The following E2F3 variants were observed in gnomAD, a reference collection of about 807,000 sequenced individuals.
E2F3 encodes the protein transcription factor E2F3.
Under a neutral mutation model 44.4 loss-of-function variants are expected in E2F3, and 11 were observed. The observed-to-expected ratio is 0.25, with a 90% CI of 0.16 to 0.41. E2F3 has a LOEUF of 0.41. Ranked by LOEUF, E2F3 falls within the 10% of genes least tolerant of loss-of-function variation. The pLI, the probability that E2F3 is intolerant of heterozygous loss-of-function variation, is 1.00. For synonymous variants in E2F3, 249 were observed against 253.0 expected (o/e 0.98, Z 0.15); for missense variants, 487 against 583.6 (o/e 0.83, Z 1.70).
chr6:20,451,481 A>G (rs376676020), intron 1 of E2F3, among the ~76,000 whole-genome samples: 255 of 152,216 alleles, frequency 1.7e-3, no homozygotes, highest in African/African-American at 6.0e-3. Flanking sequence ...GGTTTTCTAG[A>G]TATAGAATCA....
chr6:20,436,138 G>A (rs1323747690), intron 1 of E2F3, among the ~76,000 whole-genome samples: 1 of 151,838 alleles, frequency 6.6e-6, no homozygotes, highest in Non-Finnish European at 1.5e-5. Flanking sequence ...GTACCACCAC[G>A]CCCAGCTAAT....
At chr6:20,443,977 C>T (rs776482335) in intron 1 of E2F3, among the ~76,000 whole-genome samples, 2 of 151,758 alleles carry the variant, frequency 1.3e-5, no homozygotes, top group Admixed American at 6.6e-5. Flanking sequence ...CTTGAGAGGC[C>T]GAGGTGGGAG....
Position 20,434,965 on chromosome 6 carries a change from A to T in E2F3, c.393+32340A>T, listed in dbSNP as rs145803040. 8.5e-4 allele frequency among the ~76,000 whole-genome samples: 129 copies of T among 152,336 alleles called. No homozygotes were observed. In the Middle Eastern group the frequency reaches 0.02, roughly 24 times the overall value. On this transcript the variant is annotated intron_variant, in intron 1 of 6. Coordinates refer to ENST00000346618, the MANE Select transcript of E2F3 (RefSeq NM_001949.5). ...CAGCAGTGGAGACAAGGGCACAGGA[A>T]CATGGCGCCAGGGCCGACAGATTTG...
At chr6:20,405,298 C>A (rs970096350) in intron 1 of E2F3, among the ~76,000 whole-genome samples, 9 of 150,560 alleles carry the variant, frequency 6.0e-5, no homozygotes, top group African/African-American at 2.2e-4. Context: ...TATTCAGAAG[C>A]ATTTTTTATA....
chr6:20,435,189 C>T (rs149223186), intron 1 of E2F3, among the ~76,000 whole-genome samples: 2 of 152,134 alleles, frequency 1.3e-5, no homozygotes, highest in East Asian at 3.9e-4. Context: ...ATCACATGCC[C>T]CAAGTCTCCA....
intron 1 of E2F3, among the ~76,000 whole-genome samples, chr6:20,421,320 G>A (rs1760020752): frequency 6.6e-6 from 1 of 152,102 alleles, no homozygotes. Context: ...CAGAAAGTTT[G>A]TAATTTACTT....
chr6:20,425,654 T>A (rs1298007032), intron 1 of E2F3, among the ~76,000 whole-genome samples: 1 of 152,166 alleles, frequency 6.6e-6, no homozygotes, highest in Non-Finnish European at 1.5e-5. Context: ...CGCCTCGGCC[T>A]CCCAAAGTGC....
chr6:20,457,846 AT>A (rs891048388), intron 1 of E2F3, among the ~76,000 whole-genome samples: 5 of 150,736 alleles, frequency 3.3e-5, no homozygotes, highest in Admixed American at 2.0e-4. Flanking sequence ...ACACACTACC[AT>A]TTTTTTTTCC....
intron 1 of E2F3, among the ~76,000 whole-genome samples, chr6:20,438,365 CTA>C (rs1366470242): frequency 6.6e-6 from 1 of 152,122 alleles, no homozygotes; most frequent in African/African-American, 2.4e-5. Context: ...ATTTTTAACT[CTA>C]TGTTTTCCCC....
chr6:20,479,948 A>G lies in E2F3; in HGVS notation c.496A>G (p.Ser166Gly). ...AAGAGCTGCACTACGAAGTCCAGATAGTCCAAAAAGTAAGGATCTTTTCAT... is the reference window on the plus strand; with the variant it reads ...AAGAGCTGCACTACGAAGTCCAGATGGTCCAAAAAGTAAGGATCTTTTCAT... ...KGRAALRSPD[S>G]PKTPKSPSEK... The change falls in exon 2 of 7, where the codon AGT becomes GGT. Residue 166 changes from serine (S) to glycine (G), a missense_variant. By Grantham distance (56) the Ser-to-Gly change is moderately conservative (BLOSUM62 0). Transcript: ENST00000346618. 5.6e-6 allele frequency: 9 copies of G among 1,607,664 alleles called. No homozygotes were observed. The highest frequency in any genetic ancestry group is 7.6e-6 in the Non-Finnish European group (9 of 1,176,622).
chr6:20,403,004 G>A (rs1037909678), intron 1 of E2F3, among the ~76,000 whole-genome samples: 2 of 152,114 alleles, frequency 1.3e-5, no homozygotes, highest in African/African-American at 4.8e-5. Context: ...AGAAGGGGGT[G>A]GGGGAGGGAG....
At position 20,402,296 on chromosome 6, in the gene E2F3, GC is replaced by G. The variant is rs1561842602; in HGVS notation, c.65del (p.Ala22GlyfsTer18). 1 of 1,608,442 alleles carries G rather than the reference GC, an allele frequency of 6.2e-7. No homozygotes were observed. On this transcript the variant is annotated frameshift_variant, in exon 1 of 7. Transcript: ENST00000346618. LOFTEE classifies it high-confidence loss of function. The surrounding 1 kb of genome is among the most constrained non-coding windows in gnomAD (Gnocchi z 5.6). Reference protein sequence around the residue: ...YLVTAGGGEGAAVVAAAAAAS... With the variant: ...YLVTAGGGEGXAVVAAAAAAS... ...GGTGACCGCCGGGGGTGGGGAGGGG[GC>G]GGCTGTCGTCGCCGCCGCCGCTGCA...
intron 1 of E2F3, among the ~76,000 whole-genome samples, chr6:20,436,608 G>A (rs919139306): frequency 4.6e-5 from 7 of 152,154 alleles, no homozygotes; most frequent in African/African-American, 9.7e-5. Context: ...TGTTCTAGAC[G>A]TTCTTCCTCT....
At position 20,491,481 on chromosome 6, in the gene E2F3, T is replaced by G. The variant is rs932057664; in HGVS notation, c.*1051T>G. 28 of 221,758 alleles carry G rather than the reference T, an allele frequency of 1.3e-4. No homozygotes were observed. Among genetic ancestry groups the G allele is most frequent in the Admixed American group, 1.0e-3 (18 of 17,322 alleles). The allele number at this position is 221,758 out of a possible 1,614,324, so 13.7% of individuals were successfully genotyped here. ...GGAGCGAGTCAGTCCTGGGGCTTGC[T>G]GACATGGGTGGCCCATTGGAAAGGA... is the stretch of plus-strand genomic sequence containing the variant. On this transcript the variant is annotated 3_prime_UTR_variant, in exon 7 of 7. Coordinates refer to ENST00000346618, the MANE Select transcript of E2F3 (RefSeq NM_001949.5).
rs570521740 is a variant in E2F3, at chr6:20,456,939, A to G, written c.394-22907A>G. On this transcript the variant is annotated intron_variant, in intron 1 of 6. Coordinates refer to ENST00000346618, the MANE Select transcript of E2F3 (RefSeq NM_001949.5). ...GAAGTTCATTTGGGGTCATTTATCA[A>G]GAAAAGCAATGCATTTCAGGTTTAT... Among the ~76,000 whole-genome samples, 205 of 152,298 alleles carry G rather than the reference A, an allele frequency of 1.3e-3. 2 individuals are homozygous for G. The highest frequency in any genetic ancestry group is 3.4e-3 in the Middle Eastern group (1 of 294).
chr6:20,451,990 G>A (rs532764185), intron 1 of E2F3, among the ~76,000 whole-genome samples: 21 of 152,272 alleles, frequency 1.4e-4, no homozygotes, highest in Non-Finnish European at 2.6e-4. Context: ...TTGCATAGAT[G>A]TTCATCAAGG....
chr6:20,463,743 G>T (rs1761605445), intron 1 of E2F3, among the ~76,000 whole-genome samples: 1 of 152,138 alleles, frequency 6.6e-6, no homozygotes, highest in African/African-American at 2.4e-5. Context: ...AATTCATTCT[G>T]CAGTGGACAC....
intron 1 of E2F3, among the ~76,000 whole-genome samples, chr6:20,475,530 T>G (rs2127617475): frequency 6.6e-6 from 1 of 152,328 alleles, no homozygotes; most frequent in South Asian, 2.1e-4. Flanking sequence ...TATTTTCATT[T>G]TTTGAGACAA....
At chr6:20,448,339 A>T (rs1024574219) in intron 1 of E2F3, among the ~76,000 whole-genome samples, 7 of 152,156 alleles carry the variant, frequency 4.6e-5, no homozygotes, top group African/African-American at 1.7e-4. Flanking sequence ...CAGTGTCCAT[A>T]CAGGAGAAAT....
Sources: allele counts gnomAD v4.1 joint callset (sites outside exome capture counted in the v4.1 genomes callset), GRCh38; gene constraint gnomAD v4.1.1; non-coding constraint Gnocchi (gnomAD v3.1); transcripts MANE v1.5; gene names NCBI Gene and HGNC (gene_info 2026-07-23, HGNC 2026-07-21).